The following HS6ST2 variants were observed in gnomAD, a reference collection of about 807,000 sequenced individuals.
HS6ST2 encodes heparan-sulfate 6-O-sulfotransferase 2.
Under a neutral mutation model 33.0 loss-of-function variants are expected in HS6ST2, and 17 were observed. The ratio of observed to expected loss-of-function variants is 0.52; its 90% CI spans 0.35 to 0.77. The LOEUF (loss-of-function observed/expected upper bound fraction) is 0.77. Among genes scored for constraint, HS6ST2 ranks in the 30% least tolerant of loss-of-function variants. The pLI is 0.01. For synonymous variants in HS6ST2, 248 were observed against 237.1 expected (o/e 1.05, Z -0.42); for missense variants, 519 against 551.7 (o/e 0.94, Z 0.59).
chrX:132,862,150 A>G (rs1298525016), intron 2 of HS6ST2, among the ~76,000 whole-genome samples: 1 of 112,242 alleles, frequency 8.9e-6, no homozygotes, highest in Non-Finnish European at 1.9e-5. Context: ...TGTGATGCTC[A>G]GTTCATCACA....
chrX:132,789,831 A>G (rs2065101993), intron 2 of HS6ST2, among the ~76,000 whole-genome samples: 2 of 111,701 alleles, frequency 1.8e-5, no homozygotes, highest in Admixed American at 1.9e-4. Flanking sequence ...CAGCAAGAGA[A>G]CTAGAATTAG....
At chrX:132,802,012 A>G (rs146532791) in intron 2 of HS6ST2, among the ~76,000 whole-genome samples, 4,506 of 112,066 alleles carry the variant, frequency 0.04, 163 homozygotes, top group East Asian at 0.13. Flanking sequence ...TAGAGGTCTA[A>G]GTAGTTTATA....
At chrX:132,794,898 T>C (rs753488650) in intron 2 of HS6ST2, among the ~76,000 whole-genome samples, 1 of 110,307 alleles carries the variant, frequency 9.1e-6, no homozygotes, top group African/African-American at 3.3e-5. Context: ...TCCTTTCCAC[T>C]GCCCCGAAGT....
At chrX:132,672,354 C>T (rs909768855) in intron 3 of HS6ST2, among the ~76,000 whole-genome samples, 1 of 110,628 alleles carries the variant, frequency 9.0e-6, no homozygotes, top group Non-Finnish European at 1.9e-5. Flanking sequence ...CTTACATAAC[C>T]GAAACAGATC....
chrX:132,773,818 T>C (rs1159394909), intron 2 of HS6ST2, among the ~76,000 whole-genome samples: 2 of 111,345 alleles, frequency 1.8e-5, no homozygotes, highest in African/African-American at 6.5e-5. Context: ...CACCAAAAGC[T>C]GGAGGGAAAA....
intron 2 of HS6ST2, among the ~76,000 whole-genome samples, chrX:132,778,891 GATC>G (rs1358490552): frequency 8.9e-6 from 1 of 111,987 alleles, no homozygotes; most frequent in Non-Finnish European, 1.9e-5. Context: ...ACATTTAGCT[GATC>G]ATCAGCACTA....
At chrX:132,892,730 A>T (rs1005038871) in intron 2 of HS6ST2, among the ~76,000 whole-genome samples, 2 of 111,865 alleles carry the variant, frequency 1.8e-5, no homozygotes, top group African/African-American at 6.5e-5. Flanking sequence ...GAGGCAGGAG[A>T]ATCATCTGAA....
chrX:132,822,453 T>C (rs186917895), intron 2 of HS6ST2, among the ~76,000 whole-genome samples: 14 of 110,771 alleles, frequency 1.3e-4, no homozygotes, highest in African/African-American at 4.3e-4. Context: ...CAGTACAATC[T>C]CTCCTCATGC....
chrX:132,646,202 A>G (rs1379903902), intron 4 of HS6ST2, among the ~76,000 whole-genome samples: 1 of 112,183 alleles, frequency 8.9e-6, no homozygotes, highest in East Asian at 2.8e-4. Context: ...AGTGCTGGGA[A>G]GCACAGCCCC....
intron 3 of HS6ST2, among the ~76,000 whole-genome samples, chrX:132,684,004 T>G (rs1336938403): frequency 9.1e-6 from 1 of 109,940 alleles, no homozygotes; most frequent in Admixed American, 9.9e-5. Context: ...AAGAGCAAGA[T>G]TACTGAAATT....
chrX:132,960,362 G>A (rs762318936), upstream of HS6ST2, among the ~76,000 whole-genome samples: 8 of 110,633 alleles, frequency 7.2e-5, no homozygotes, highest in South Asian at 3.2e-3. Flanking sequence ...TCTCCTCATG[G>A]TGTCGCATAA....
chrX:132,923,534 C>T (rs1178682867), intron 2 of HS6ST2, among the ~76,000 whole-genome samples: 1 of 111,771 alleles, frequency 8.9e-6, no homozygotes, highest in Non-Finnish European at 1.9e-5. Context: ...TTTTGCTCCC[C>T]CAGTGATGTA....
chrX:132,763,167 T>C (rs747482368), intron 2 of HS6ST2, among the ~76,000 whole-genome samples: 2 of 112,149 alleles, frequency 1.8e-5, no homozygotes, highest in African/African-American at 6.5e-5. Flanking sequence ...AAGACCGGAC[T>C]AGAAGCCATG....
intron 2 of HS6ST2, among the ~76,000 whole-genome samples, chrX:132,719,630 G>C (rs1298175398): frequency 8.9e-6 from 1 of 111,995 alleles, no homozygotes; most frequent in African/African-American, 3.2e-5. Context: ...CACTAGCAAT[G>C]TTTTGGCCCC....
At position 132,856,441 on chromosome X, in the gene HS6ST2, G is replaced by T. The variant is rs767845019; in HGVS notation, c.947+100367C>A. Among the ~76,000 whole-genome samples, 8 of 111,704 alleles carry T rather than the reference G, an allele frequency of 7.2e-5. No individual in the cohort carries two copies. In the South Asian group the frequency reaches 3.0e-3, roughly 42 times the overall value. ...GGAACACATTCCCCACAGATAAAGG[G>T]GGACAACGCACCTTGAAACTGAAAC... On this transcript the variant is annotated intron_variant, in intron 2 of 4. Coordinates refer to ENST00000370833, the MANE Select transcript of HS6ST2 (RefSeq NM_001394073.1).
intron 2 of HS6ST2, among the ~76,000 whole-genome samples, chrX:132,953,105 C>G (rs1228598572): frequency 9.0e-6 from 1 of 111,332 alleles, no homozygotes; most frequent in Non-Finnish European, 1.9e-5. Context: ...CTCTACAGAA[C>G]AAATGGCACA....
chrX:132,710,366 T>C (rs2064220990), intron 2 of HS6ST2, among the ~76,000 whole-genome samples: 1 of 112,282 alleles, frequency 8.9e-6, no homozygotes, highest in African/African-American at 3.2e-5. Context: ...AATGAAATCC[T>C]TTAAAAAGGC....
chrX:132,920,365 G>A (rs1254691931), intron 2 of HS6ST2, among the ~76,000 whole-genome samples: 5 of 110,542 alleles, frequency 4.5e-5, no homozygotes, highest in East Asian at 2.9e-4. Context: ...CAGTATCATC[G>A]ATGCTTACAC....
At chrX:132,652,833 T>C (rs1260414580) in intron 4 of HS6ST2, among the ~76,000 whole-genome samples, 1 of 110,919 alleles carries the variant, frequency 9.0e-6, no homozygotes, top group Non-Finnish European at 1.9e-5. Flanking sequence ...AACAGGCCAC[T>C]AAGACATACC....
Sources: allele counts gnomAD v4.1 joint callset (sites outside exome capture counted in the v4.1 genomes callset), GRCh38; gene constraint gnomAD v4.1.1; transcripts MANE v1.5; gene names NCBI Gene and HGNC (gene_info 2026-07-23, HGNC 2026-07-21).